The following ZDHHC21 variants were observed in gnomAD, a reference collection of about 807,000 sequenced individuals.
ZDHHC21 encodes the protein palmitoyltransferase ZDHHC21.
Under a neutral mutation model 34.6 loss-of-function variants are expected in ZDHHC21, and 15 were observed. The observed-to-expected ratio is 0.43, with a 90% confidence interval of 0.29 to 0.67. The LOEUF is 0.67. ZDHHC21 is among the 30% of genes least tolerant of loss of function. The probability of loss-of-function intolerance (pLI) is 0.14; values close to 1 mark genes in which losing one functional copy is unlikely to be tolerated. For missense variants in ZDHHC21, 344 were observed against 327.7 expected, an observed-to-expected ratio of 1.05 and a Z score of -0.38; for synonymous variants, 142 against 101.8, an observed-to-expected ratio of 1.40 and a Z score of -2.38.
At chr9:14,644,242 T>G (rs1587068378) in intron 7 of ZDHHC21, among the ~76,000 whole-genome samples, 1 of 152,182 alleles carries the variant, frequency 6.6e-6, no homozygotes, top group Admixed American at 6.5e-5. Flanking sequence ...CATAGTCACA[T>G]TTTTTATACT....
At chr9:14,628,758 C>T (rs1220336690) in intron 8 of ZDHHC21, among the ~76,000 whole-genome samples, 1 of 152,094 alleles carries the variant, frequency 6.6e-6, no homozygotes, top group Non-Finnish European at 1.5e-5. Flanking sequence ...AATTTTATCA[C>T]AAAACAGCAA....
the ZDHHC21 span, among the ~76,000 whole-genome samples, chr9:14,598,714 T>C: frequency 1.3e-5 from 2 of 152,128 alleles, no homozygotes; most frequent in Non-Finnish European, 2.9e-5. Context: ...ATTCATGATC[T>C]GAATGAGAAA....
chr9:14,643,300 A>C lies in ZDHHC21; in HGVS notation c.505-3288T>G, dbSNP rs537456152. On this transcript the variant is annotated intron_variant, in intron 7 of 9. Coordinates refer to ENST00000380916, the MANE Select transcript of ZDHHC21 (RefSeq NM_178566.6). ...GAAGAAAAGTAACAGTATCCTCTCA[A>C]GAATTAGAACATCTGAAACCAAGTA... Among the ~76,000 whole-genome samples, 22 of 152,206 alleles carry C rather than the reference A, an allele frequency of 1.4e-4. No individual in the cohort carries two copies. In the South Asian group the frequency reaches 4.6e-3, roughly 32 times the overall value.
chr9:14,624,196 T>C (rs956852487), intron 8 of ZDHHC21, among the ~76,000 whole-genome samples: 1 of 152,136 alleles, frequency 6.6e-6, no homozygotes, highest in African/African-American at 2.4e-5. Context: ...ATCTAGAAGA[T>C]GAATTATAGT....
intron 7 of ZDHHC21, among the ~76,000 whole-genome samples, chr9:14,650,303 T>C (rs1464081408): frequency 2.0e-5 from 3 of 151,928 alleles, no homozygotes; most frequent in South Asian, 2.1e-4. Context: ...TCTAGTAGCA[T>C]CTCAGGAAAC....
the ZDHHC21 span, among the ~76,000 whole-genome samples, chr9:14,591,520 G>T: frequency 1.3e-5 from 2 of 152,236 alleles, no homozygotes; most frequent in East Asian, 3.9e-4. Context: ...GGTATTTTGT[G>T]ATAGCAGCAG....
downstream of ZDHHC21, among the ~76,000 whole-genome samples, chr9:14,610,425 T>C (rs938833259): frequency 1.3e-5 from 2 of 152,026 alleles, no homozygotes; most frequent in African/African-American, 2.4e-5. Flanking sequence ...GCAAAATTTA[T>C]AGTTTTATTT....
rs1824172433 is a variant in ZDHHC21 at position 14,616,431 on chromosome 9, C to T, written c.*2535G>A. ...AGAAATAACATCATAAAAACATGTT[C>T]ATTTTCATAAAATTTTACATTTTTG... is the stretch of plus-strand genomic sequence containing the variant. On this transcript the variant is annotated 3_prime_UTR_variant, in exon 10 of 10. Coordinates refer to ENST00000380916, the MANE Select transcript of ZDHHC21 (RefSeq NM_178566.6). 6.6e-6 allele frequency: 1 copy of T among 151,702 alleles called. No homozygotes were observed. The highest frequency in any genetic ancestry group is 2.4e-5 in the African/African-American group (1 of 41,376). The allele number at this position is 151,702 out of a possible 1,614,324, so 9.4% of individuals were successfully genotyped here. A position where few individuals can be genotyped will look rare whatever the true frequency, so the allele number is the denominator to read the frequency against.
intron 7 of ZDHHC21, among the ~76,000 whole-genome samples, chr9:14,648,434 T>G (rs763400461): frequency 5.3e-5 from 8 of 152,074 alleles, no homozygotes; most frequent in Non-Finnish European, 1.2e-4. Context: ...CAGCCCTTAC[T>G]ACTCTCAACT....
intron 7 of ZDHHC21, among the ~76,000 whole-genome samples, chr9:14,656,346 T>A (rs1832205044): frequency 6.6e-6 from 1 of 151,940 alleles, no homozygotes; most frequent in African/African-American, 2.4e-5. Flanking sequence ...ATTTTATGTA[T>A]TTAAATTTGT....
rs201880264 is a variant in ZDHHC21 at position 14,656,714 on chromosome 9, T to G, written c.504+2035A>C. 3.9e-5 allele frequency among the ~76,000 whole-genome samples: 6 copies of G among 152,086 alleles called. No individual in the cohort carries two copies. In the East Asian group the frequency reaches 1.2e-3, roughly 29 times the overall value. ...GTCAGATCCCTAGAATTATTTATAA[T>G]GTACTGCTTCATTCCTAAAGTAGCT... On this transcript the variant is annotated intron_variant, in intron 7 of 9. Coordinates refer to ENST00000380916, the MANE Select transcript of ZDHHC21 (RefSeq NM_178566.6).
intron 5 of ZDHHC21, among the ~76,000 whole-genome samples, chr9:14,665,883 G>A (rs1471891021): frequency 9.3e-5 from 14 of 149,782 alleles, no homozygotes; most frequent in Non-Finnish European, 1.9e-4. Context: ...GGTACCAGCC[G>A]CTGCAAAATC....
intron 6 of ZDHHC21, among the ~76,000 whole-genome samples, chr9:14,660,807 G>A (rs138504225): frequency 1.3e-5 from 2 of 151,754 alleles, no homozygotes; most frequent in African/African-American, 4.8e-5. Flanking sequence ...TCTTACTACT[G>A]CATTCGTTTG....
chr9:14,607,550 G>A (rs1049572883), downstream of ZDHHC21, among the ~76,000 whole-genome samples: 5 of 151,990 alleles, frequency 3.3e-5, no homozygotes, highest in African/African-American at 1.2e-4. Flanking sequence ...TTGGGGAGGA[G>A]GGTGGGAGTG....
At chr9:14,667,343 T>C (rs1444447624) in intron 5 of ZDHHC21, among the ~76,000 whole-genome samples, 1 of 150,806 alleles carries the variant, frequency 6.6e-6, no homozygotes, top group Non-Finnish European at 1.5e-5. Flanking sequence ...GGAGCTGAAA[T>C]TGTGGCAATA....
In ZDHHC21 at chr9:14,679,895, G is replaced by C. The variant is rs10961658; in HGVS notation, c.-46+138C>G. ...AGAAAACAGGTTTGGTTAAAATTTA[G>C]TATAAAAACTTTTAAATAAACATAA... On this transcript the variant is annotated intron_variant, in intron 3 of 9. Coordinates refer to ENST00000380916, the MANE Select transcript of ZDHHC21 (RefSeq NM_178566.6). 31,755 of 152,012 alleles carry C rather than the reference G, an allele frequency of 0.21. 4,094 individuals carry two copies. The highest frequency in any genetic ancestry group is 0.37 in the South Asian group (1,772 of 4,814). 9.4% of individuals were successfully genotyped at this position (152,012 alleles called of 1,614,324 possible).
intron 7 of ZDHHC21, 88 bp from the exon 8 acceptor site, chr9:14,640,100 A>G (rs552551352): frequency 6.2e-6 from 4 of 643,806 alleles, no homozygotes; most frequent in African/African-American, 1.8e-5. Context: ...GAGCCATAAC[A>G]CATCTTCCTT....
intron 8 of ZDHHC21, among the ~76,000 whole-genome samples, chr9:14,637,916 G>A (rs183993505): frequency 9.9e-5 from 15 of 152,092 alleles, no homozygotes; most frequent in African/African-American, 2.6e-4. Context: ...CCATGATAAT[G>A]GATCAGAAGA....
In ZDHHC21 at chr9:14,641,455, T is replaced by C. The variant is rs554148619; in HGVS notation, c.505-1443A>G. ...AAAACACAAATTTGTTCTAACATAA[T>C]TGATACATTAAACAAGTTTGACCAT... On this transcript the variant is annotated intron_variant, in intron 7 of 9. Transcript: ENST00000380916. Among the ~76,000 whole-genome samples, 33 of 152,320 alleles carry C rather than the reference T, an allele frequency of 2.2e-4. 1 individual carries two copies. The South Asian group carries it at 6.4e-3, about 30-fold the overall frequency.
Sources: allele counts gnomAD v4.1 joint callset (sites outside exome capture counted in the v4.1 genomes callset), GRCh38; gene constraint gnomAD v4.1.1; transcripts MANE v1.5; gene names NCBI Gene and HGNC (gene_info 2026-07-23, HGNC 2026-07-21).